Variants in TRPV1 observed in about 807,000 individuals in gnomAD.
TRPV1 encodes transient receptor potential cation channel subfamily V member 1.
In TRPV1, 82 loss-of-function variants were observed where a neutral mutation model predicts 82.3. The ratio of observed to expected loss-of-function variants is 1.00; its 90% confidence interval spans 0.83 to 1.20. The LOEUF (loss-of-function observed/expected upper bound fraction) is 1.20. Among genes scored for constraint, TRPV1 ranks in the 50% most tolerant of loss-of-function variants. The pLI, the probability that TRPV1 is intolerant of heterozygous loss-of-function variation, is 0.00. For missense variants in TRPV1, 1,067 were observed against 1,096.8 expected, an observed-to-expected ratio of 0.97 and a Z score of 0.38; for synonymous variants, 515 against 467.7, an observed-to-expected ratio of 1.10 and a Z score of -1.30.
intron 11 of TRPV1, 91 bp downstream of exon 11, chr17:3,580,366 T>G (rs1205270436): frequency 9.8e-6 from 13 of 1,321,102 alleles, no homozygotes; most frequent in Non-Finnish European, 1.3e-5. Context: ...GGTCCCACTA[T>G]GTGCCAGGCC....
chr17:3,589,776 C>A (rs200355689), intron 7 of TRPV1, 31 bp downstream of exon 7: 3 of 1,586,106 alleles, frequency 1.9e-6, no homozygotes, highest in Middle Eastern at 1.7e-4. Context: ...AGCCCCGCAC[C>A]GCACCAGCCT....
intron 2 of TRPV1, among the ~76,000 whole-genome samples, chr17:3,598,053 G>A (rs1044432162): frequency 6.6e-6 from 1 of 152,226 alleles, no homozygotes; most frequent in Non-Finnish European, 1.5e-5. Context: ...ACGCACAGGA[G>A]AGAGTCACAT....
chr17:3,572,057 G>A, intron 15 of TRPV1, 65 bp downstream of exon 15: 1 of 1,575,856 alleles, frequency 6.3e-7, no homozygotes, highest in Non-Finnish European at 8.7e-7. Context: ...CCTGAGGCAG[G>A]CTCTGTGTCC....
intron 7 of TRPV1, chr17:3,589,075 CAA>C: frequency 9.7e-7 from 1 of 1,029,270 alleles, no homozygotes; most frequent in Non-Finnish European, 1.5e-6. Context: ...CACTTGAGGC[CAA>C]GAGCTGGAGG....
chr17:3,573,352 A>ATC (rs1325135816), intron 14 of TRPV1, among the ~76,000 whole-genome samples: 1 of 152,218 alleles, frequency 6.6e-6, no homozygotes, highest in African/African-American at 2.4e-5. Flanking sequence ...AGCTGAGCTC[A>ATC]TCTGCCCCTG....
At chr17:3,594,127 C>CAA (rs57620622) in intron 2 of TRPV1, among the ~76,000 whole-genome samples, 961 of 46,380 alleles carry the variant, frequency 0.021, 29 homozygotes, top group Non-Finnish European at 0.025. Flanking sequence ...AACTCTGTCT[C>CAA]AAAAAAAAAA....
chr17:3,567,369 C>CAAAAAAAAAAAAAAAAAAAAAAAA (rs56391405), intron 16 of TRPV1, among the ~76,000 whole-genome samples: 1 of 52,798 alleles, frequency 1.9e-5, no homozygotes, highest in African/African-American at 7.4e-5. Context: ...AACTCCGTCT[C>CAAAAAAAAAAAAAAAAAAAAAAAA]AAAAAAAAAA....
intron 13 of TRPV1, among the ~76,000 whole-genome samples, chr17:3,574,284 A>C (rs2074900501): frequency 6.6e-6 from 1 of 152,150 alleles, no homozygotes; most frequent in Non-Finnish European, 1.5e-5. Context: ...TGCATCCCTC[A>C]GAGGTCCATT....
At chr17:3,608,326 G>A (rs1248778428) in intron 2 of TRPV1, 101 bp downstream of exon 2, 1 of 151,794 alleles carries the variant, frequency 6.6e-6, no homozygotes, top group East Asian at 1.9e-4. Flanking sequence ...CTTAAAGGAA[G>A]CACCTTACGG....
intron 13 of TRPV1, among the ~76,000 whole-genome samples, chr17:3,576,195 C>T (rs1427077426): frequency 1.3e-5 from 2 of 152,094 alleles, no homozygotes; most frequent in Admixed American, 1.3e-4. Flanking sequence ...GCACTCCAGC[C>T]TGGGCAACAG....
chr17:3,570,427 G>A (rs913278340), intron 16 of TRPV1, among the ~76,000 whole-genome samples: 11 of 151,448 alleles, frequency 7.3e-5, no homozygotes, highest in African/African-American at 1.9e-4. Flanking sequence ...GTACAATAAT[G>A]TAAATGTACT....
chr17:3,603,294 C>T (rs2075277149), intron 2 of TRPV1, among the ~76,000 whole-genome samples: 1 of 152,120 alleles, frequency 6.6e-6, no homozygotes, highest in Non-Finnish European at 1.5e-5. Flanking sequence ...GAAGTCTGAG[C>T]TGGGGAGGGG....
chr17:3,601,411 C>A (rs951173017), intron 2 of TRPV1, among the ~76,000 whole-genome samples: 3 of 151,826 alleles, frequency 2.0e-5, no homozygotes, highest in African/African-American at 7.3e-5. Context: ...AGTCTCCTCT[C>A]CCACCGAAAC....
rs1380212788 is a variant in TRPV1, at chr17:3,591,216, T to A, written c.422A>T (p.Lys141Met). Residue 141 changes from lysine to methionine, a missense_variant, in exon 4 of 17, where the codon AAG becomes ATG. Physicochemically the swap from Lys to Met is moderately conservative, Grantham distance 95 (BLOSUM62 -1). Coordinates refer to ENST00000572705, the MANE Select transcript of TRPV1 (RefSeq NM_080704.4). Reference protein sequence around the residue: ...ESLLLFLQKSKKHLTDNEFKD... With the variant: ...ESLLLFLQKSMKHLTDNEFKD... Reference sequence around the variant, plus strand: ...GAACTCGTTGTCTGTGAGGTGCTTCTTGCTCTTCTGCAGGAAGAGCAGCAG... The same window carrying A: ...GAACTCGTTGTCTGTGAGGTGCTTCATGCTCTTCTGCAGGAAGAGCAGCAG... The A allele has an allele frequency of 6.2e-7, 1 of 1,612,282 alleles. No individual in the cohort carries two copies. The highest frequency in any genetic ancestry group is 8.5e-7 in the Non-Finnish European group (1 of 1,179,338).
At chr17:3,567,897 T>C (rs2074791484) in intron 16 of TRPV1, among the ~76,000 whole-genome samples, 1 of 152,190 alleles carries the variant, frequency 6.6e-6, no homozygotes, top group Non-Finnish European at 1.5e-5. Flanking sequence ...TCTTTATAAA[T>C]ATCACAGTGA....
In TRPV1 at chr17:3,590,320, G is replaced by A; in HGVS notation, c.677C>T (p.Ala226Val). Residue 226 changes from alanine (A) to valine (V), a missense_variant, in exon 6 of 17, where the codon GCA (alanine) becomes GTA (valine). Coordinates refer to ENST00000572705, the MANE Select transcript of TRPV1 (RefSeq NM_080704.4). ...ALVTLLVENGADVQAAAHGDF... is the reference protein window; with the variant it reads ...ALVTLLVENGVDVQAAAHGDF... ...CCCATGGGCCGCAGCCTGGACGTCT[G>A]CTCCGTTCTCCACCAGGAGGGTCAC... The A allele has an allele frequency of 1.9e-6, 3 of 1,613,978 alleles. No individual in the cohort carries two copies. Among genetic ancestry groups the A allele is most frequent in the Non-Finnish European group, 2.5e-6 (3 of 1,179,884 alleles).
intron 16 of TRPV1, among the ~76,000 whole-genome samples, chr17:3,567,221 T>C (rs1439051844): frequency 7.0e-6 from 1 of 142,770 alleles, no homozygotes; most frequent in African/African-American, 2.6e-5. Flanking sequence ...AAAAAAAAAA[T>C]TGGCCGGGCA....
Position 3,583,375 on chromosome 17 carries a change from AG to A in TRPV1, c.1438del (p.Leu480CysfsTer4). The part of the protein sequence containing the change: ...GDYFRVTGEI[L>X]SVLGGVYFFF... ...GAAGTAGACTCCTCCTAACACAGAC[AG>A]GATCTCTCCAGTAACTCGGAAATAG... On this transcript the variant is annotated frameshift_variant, in exon 10 of 17. Transcript: ENST00000572705. LOFTEE classifies it high-confidence loss of function. 8.7e-6 allele frequency: 14 copies of A among 1,610,728 alleles called. No homozygotes were observed. Among genetic ancestry groups the A allele is most frequent in the Non-Finnish European group, 1.2e-5 (14 of 1,178,460 alleles).
intron 16 of TRPV1, among the ~76,000 whole-genome samples, chr17:3,567,660 C>T (rs2074786588): frequency 6.6e-6 from 1 of 151,896 alleles, no homozygotes; most frequent in Admixed American, 6.6e-5. Flanking sequence ...GAGGCCTGTC[C>T]TGTGAGTGGC....
Sources: allele counts gnomAD v4.1 joint callset (sites outside exome capture counted in the v4.1 genomes callset), GRCh38; gene constraint gnomAD v4.1.1; transcripts MANE v1.5; gene names NCBI Gene and HGNC (gene_info 2026-07-23, HGNC 2026-07-21).